TNFRSF14: variants seen among roughly 807,000 people sequenced by gnomAD.
TNFRSF14 encodes the protein tumor necrosis factor receptor superfamily member 14.
Under a neutral mutation model 34.1 loss-of-function variants are expected in TNFRSF14, and 18 were observed. The observed-to-expected ratio is 0.53, with a 90% CI of 0.36 to 0.78. The LOEUF is 0.78. TNFRSF14 is among the 30% of genes least tolerant of loss of function. TNFRSF14 has a pLI of 0.00. For missense variants in TNFRSF14, 352 were observed against 379.5 expected, an observed-to-expected ratio of 0.93 and a Z score of 0.60; for synonymous variants, 157 against 153.2, an observed-to-expected ratio of 1.02 and a Z score of -0.18.
chr1:2,559,008 C>T (rs1644262813), intron 3 of TNFRSF14: 1 of 1,367,982 alleles, frequency 7.3e-7, no homozygotes, highest in African/African-American at 1.4e-5. Context: ...CAGAGCCTGT[C>T]CATGCGGCCA....
chr1:2,560,083 C>G, intron 4 of TNFRSF14, 105 bp downstream of exon 4: 5 of 1,424,960 alleles, frequency 3.5e-6, no homozygotes, highest in Non-Finnish European at 4.6e-6. Flanking sequence ...CCCAGGGGCC[C>G]TGGTGAGACA....
chr1:2,558,621 G>C, intron 3 of TNFRSF14, 153 bp downstream of exon 3: 1 of 1,437,604 alleles, frequency 7.0e-7, no homozygotes, highest in Non-Finnish European at 9.4e-7. Flanking sequence ...ACCCTGCAGG[G>C]GACGCCTTGA....
At chr1:2,558,534 C>G in intron 3 of TNFRSF14, 66 bp downstream of exon 3, 1 of 1,595,616 alleles carries the variant, frequency 6.3e-7, no homozygotes, top group Non-Finnish European at 8.5e-7. Flanking sequence ...CACCCTGCAC[C>G]CTCTCTCCAT....
At chr1:2,562,750 C>A in intron 6 of TNFRSF14, 115 bp from the exon 7 acceptor site, 2 of 1,376,750 alleles carry the variant, frequency 1.5e-6, no homozygotes, top group Non-Finnish European at 2.1e-6. Context: ...TGGGGACGGT[C>A]TCCCAGGGAG....
At position 2,561,176 on chromosome 1, in the gene TNFRSF14, G is replaced by C. The variant is rs1353243000; in HGVS notation, c.551+462G>C. 1 of 368,594 alleles carries C rather than the reference G, an allele frequency of 2.7e-6. No individual in the cohort carries two copies. Among genetic ancestry groups the C allele is most frequent in the Non-Finnish European group, 4.9e-6 (1 of 204,398 alleles). The allele number at this position is 368,594 out of a possible 1,614,324, so 22.8% of individuals were successfully genotyped here. Reference sequence around the variant, plus strand: ...TTCAGAGCTTCTTGGGAGGAGCTGGGGTCCCCCAGCGGAGCCTGGGATGGA... The same window carrying C: ...TTCAGAGCTTCTTGGGAGGAGCTGGCGTCCCCCAGCGGAGCCTGGGATGGA... On this transcript the variant is annotated intron_variant, in intron 5 of 7. Transcript: ENST00000355716. This position sits in a 1 kb window ranked among gnomAD's most constrained non-coding sequence, Gnocchi z 6.0.
At chr1:2,555,070 A>G (rs1278884575), upstream of TNFRSF14, 1 of 151,770 alleles carries the variant, frequency 6.6e-6, no homozygotes, top group Non-Finnish European at 1.5e-5. This position sits in a 1 kb window ranked among gnomAD's most constrained non-coding sequence, Gnocchi z 6.3. Context: ...GAAACAGCAG[A>G]TGGGGCTCCT....
chr1:2,556,571 C>T lies in TNFRSF14; in HGVS notation c.-94C>T, dbSNP rs765211449. On this transcript the variant is annotated 5_prime_UTR_variant, in exon 1 of 8. Coordinates refer to ENST00000355716, the MANE Select transcript of TNFRSF14 (RefSeq NM_003820.4). Reference sequence around the variant, plus strand: ...GGATTCTCTTTCTCTTTCTCTTTCTCTTCTGGCCCACAGCCGCAGCAATGG... The same window carrying T: ...GGATTCTCTTTCTCTTTCTCTTTCTTTTCTGGCCCACAGCCGCAGCAATGG... 7 of 1,245,866 alleles carry T rather than the reference C, an allele frequency of 5.6e-6. No individual in the cohort carries two copies. Among genetic ancestry groups the T allele is most frequent in the Non-Finnish European group, 8.1e-6 (7 of 866,888 alleles). 77.2% of individuals were successfully genotyped at this position (1,245,866 alleles called of 1,614,324 possible).
chr1:2,555,978 G>A (rs1050909737), upstream of TNFRSF14: 2 of 197,646 alleles, frequency 1.0e-5, no homozygotes, highest in South Asian at 1.3e-4. This position sits in a 1 kb window ranked among gnomAD's most constrained non-coding sequence, Gnocchi z 6.3. Context: ...CCCAGTCCGC[G>A]CAGCGTCTCT....
At position 2,561,411 on chromosome 1, in the gene TNFRSF14, C is replaced by A; in HGVS notation, c.552-262C>A. ...TGCTGGCTGCCTCCCGCTTCTCTCC[C>A]CTCTCCCTCTGCCGTCCTGTCTCCT... is the stretch of plus-strand genomic sequence containing the variant. On this transcript the variant is annotated intron_variant, in intron 5 of 7. Coordinates refer to ENST00000355716, the MANE Select transcript of TNFRSF14 (RefSeq NM_003820.4). The surrounding 1 kb of genome is among the most constrained non-coding windows in gnomAD (Gnocchi z 6.0). 1 of 1,367,898 alleles carries A rather than the reference C, an allele frequency of 7.3e-7. No individual in the cohort carries two copies. Among genetic ancestry groups the A allele is most frequent in the Non-Finnish European group, 9.8e-7 (1 of 1,019,486 alleles). The allele number at this position is 1,367,898 out of a possible 1,614,324, so 84.7% of individuals were successfully genotyped here. A position where few individuals can be genotyped will look rare whatever the true frequency, so the allele number is the denominator to read the frequency against.
At chr1:2,559,491 A>G (rs1311650302) in intron 3 of TNFRSF14, 6 of 1,460,042 alleles carry the variant, frequency 4.1e-6, no homozygotes, top group Non-Finnish European at 4.6e-6. Context: ...ACGTGGGGCG[A>G]GGACCTGCCT....
At chr1:2,554,295 C>G (rs375368494), upstream of TNFRSF14, 2 of 152,876 alleles carry the variant, frequency 1.3e-5, no homozygotes, top group Non-Finnish European at 1.5e-5. The surrounding 1 kb of genome is among the most constrained non-coding windows in gnomAD (Gnocchi z 4.2). Flanking sequence ...GGAGAGCCCA[C>G]GCTGAATGGA....
intron 7 of TNFRSF14, 51 bp downstream of exon 7, chr1:2,562,947 C>T (rs749744659): frequency 1.3e-6 from 2 of 1,564,986 alleles, no homozygotes; most frequent in East Asian, 4.5e-5. Flanking sequence ...CCCACCTCCC[C>T]TCTCCCCGCT....
Position 2,556,516 on chromosome 1 carries a change from G to T in TNFRSF14, c.-149G>T. On this transcript the variant is annotated 5_prime_UTR_variant, in exon 1 of 8. Transcript: ENST00000355716. ...TGCTGCCCACTCTCCTGCTGCTCGG[G>T]TTCTGAGGCACAGCTTGTCACACCG... 2.4e-6 allele frequency: 2 copies of T among 828,702 alleles called. No individual in the cohort carries two copies. The highest frequency in any genetic ancestry group is 4.0e-6 in the Non-Finnish European group (2 of 494,246). The allele number at this position is 828,702 out of a possible 1,614,324, so 51.3% of individuals were successfully genotyped here.
chr1:2,554,459 G>A (rs1335528607), upstream of TNFRSF14, among the ~76,000 whole-genome samples: 3 of 152,306 alleles, frequency 2.0e-5, no homozygotes, highest in East Asian at 1.9e-4. The surrounding 1 kb of genome is among the most constrained non-coding windows in gnomAD (Gnocchi z 4.2). Flanking sequence ...GAAAAGGGAC[G>A]GAGGGCCGAG....
At chr1:2,559,022 G>A in intron 3 of TNFRSF14, 1 of 1,368,380 alleles carries the variant, frequency 7.3e-7, no homozygotes, top group African/African-American at 1.4e-5. Context: ...GCGGCCAACG[G>A]CTCTGTCCCC....
upstream of TNFRSF14, chr1:2,556,083 G>A (rs1644207441): frequency 3.2e-6 from 1 of 310,090 alleles, no homozygotes; most frequent in Non-Finnish European, 6.4e-6. Flanking sequence ...ACACAGGCCT[G>A]GTGGGTCTAT....
intron 6 of TNFRSF14, chr1:2,562,640 G>A (rs560285656): frequency 1.4e-4 from 88 of 624,318 alleles, no homozygotes; most frequent in Middle Eastern, 4.3e-4. Context: ...TGGGCCGGGC[G>A]CCCCCAGTCC....
rs1446263398 is a variant in TNFRSF14, at chr1:2,561,592, G to A, written c.552-81G>A. On this transcript the variant is annotated intron_variant, in intron 5 of 7. Transcript: ENST00000355716. This position sits in a 1 kb window ranked among gnomAD's most constrained non-coding sequence, Gnocchi z 6.0. Reference sequence around the variant, plus strand: ...CTGTCTTCACTGCCTGGGGCCCTGGGAGCCAGGGAGGCTCCCTGAGGCTGA... The same window carrying A: ...CTGTCTTCACTGCCTGGGGCCCTGGAAGCCAGGGAGGCTCCCTGAGGCTGA... 4 of 1,603,592 alleles carry A rather than the reference G, an allele frequency of 2.5e-6. No homozygotes were observed. The African/African-American group carries it at 5.4e-5, about 22-fold the overall frequency.
upstream of TNFRSF14, chr1:2,554,875 T>A (rs1239915015): frequency 6.6e-6 from 1 of 152,116 alleles, no homozygotes; most frequent in Non-Finnish European, 1.5e-5. This position sits in a 1 kb window ranked among gnomAD's most constrained non-coding sequence, Gnocchi z 4.2. Context: ...AGGTTGGGCG[T>A]TCTTGGGGAG....
Sources: allele counts gnomAD v4.1 joint callset (sites outside exome capture counted in the v4.1 genomes callset), GRCh38; gene constraint gnomAD v4.1.1; non-coding constraint Gnocchi (gnomAD v3.1); transcripts MANE v1.5; gene names NCBI Gene and HGNC (gene_info 2026-07-23, HGNC 2026-07-21).